The following DNAAF1 variants were observed in gnomAD, a reference collection of about 807,000 sequenced individuals.
The protein encoded by DNAAF1 is dynein assembly factor 1, axonemal.
DNAAF1 carries 65 observed loss-of-function variants against 71.1 expected under a neutral mutation model. The observed-to-expected ratio is 0.91, with a 90% CI of 0.75 to 1.12. DNAAF1 has a LOEUF of 1.12. Ranked by LOEUF, DNAAF1 falls within the 50% of genes most tolerant of loss-of-function variation. DNAAF1 has a pLI of 0.00. For missense variants in DNAAF1, 1,178 were observed against 899.8 expected, an observed-to-expected ratio of 1.31 and a Z score of -3.96; for synonymous variants, 414 against 354.6, an observed-to-expected ratio of 1.17 and a Z score of -1.88.
chr16:84,169,967 A>C lies in DNAAF1; in HGVS notation c.1139A>C (p.Lys380Thr). The C allele has an allele frequency of 1.2e-6, 2 of 1,614,124 alleles. No homozygotes were observed. The highest frequency in any genetic ancestry group is 1.7e-6 in the Non-Finnish European group (2 of 1,180,052). The change falls in exon 8 of 12, where the codon AAG becomes ACG. Residue 380 changes from lysine (K) to threonine (T), a missense_variant. By Grantham distance (78) the Lys-to-Thr change is moderately conservative (BLOSUM62 -1). Transcript: ENST00000378553. ...ETRQKMELFV[K>T]ESFEAKDELC... ...AGGCAGAAGATGGAGCTATTTGTTA[A>C]GGAAAGCTTTGAGGCCAAGGACGAG...
In DNAAF1 at chr16:84,170,913, C is replaced by T. The variant is rs368774832; in HGVS notation, c.1528+557C>T. On this transcript the variant is annotated intron_variant, in intron 8 of 11. Coordinates refer to ENST00000378553, the MANE Select transcript of DNAAF1 (RefSeq NM_178452.6). ...ACTATTAATGACATGTTTAATTTAACGCAATATATAAAAAATATAATCATG... is the reference window on the plus strand; with the variant it reads ...ACTATTAATGACATGTTTAATTTAATGCAATATATAAAAAATATAATCATG... 4.5e-4 allele frequency among the ~76,000 whole-genome samples: 69 copies of T among 151,932 alleles called. 1 individual carries two copies. In the East Asian group the frequency reaches 8.3e-3, roughly 18 times the overall value.
At chr16:84,167,182 G>C (rs367715216) in intron 7 of DNAAF1, among the ~76,000 whole-genome samples, 2 of 152,082 alleles carry the variant, frequency 1.3e-5, no homozygotes, top group Non-Finnish European at 2.9e-5. Context: ...TATATTTTCT[G>C]GGTTATTATA....
rs2088234356 is a variant in DNAAF1 at position 84,169,928 on chromosome 16, G to A, written c.1100G>A (p.Gly367Glu). 6.2e-7 allele frequency: 1 copy of A among 1,614,026 alleles called. No homozygotes were observed. The highest frequency in any genetic ancestry group is 1.7e-5 in the Admixed American group (1 of 60,008). Residue 367 changes from glycine (G) to glutamate (E), a missense_variant, in exon 8 of 12, where the codon GGG (glycine) becomes GAG (glutamate). Gly to Glu is a moderately conservative substitution (Grantham distance 98). Transcript: ENST00000378553. The part of the protein sequence containing the change: ...ASAEGKEEPP[G>E]DRETRQKMEL... ...GCGGAAGGCAAGGAGGAGCCTCCCG[G>A]GGACAGAGAAACAAGGCAGAAGATG...
intron 6 of DNAAF1, among the ~76,000 whole-genome samples, chr16:84,160,664 G>A (rs1335721645): frequency 6.6e-6 from 1 of 152,180 alleles, no homozygotes; most frequent in Admixed American, 6.5e-5. Context: ...GCCGGGCGTG[G>A]TGGCTCATGT....
chr16:84,170,205 T>C lies in DNAAF1; in HGVS notation c.1377T>C (p.Asp459=), dbSNP rs761136963. Residue 459 remains aspartate (D), a synonymous_variant, in exon 8 of 12, where the codon GAT becomes GAC. Coordinates refer to ENST00000378553, the MANE Select transcript of DNAAF1 (RefSeq NM_178452.6). ...PPPPVEVKGE[D]GDQEPEGTLP... is the part of the protein sequence containing the mutation. ...CACCTGTGGAGGTTAAAGGAGAGGA[T>C]GGAGATCAAGAGCCAGAGGGGACCC... The C allele has an allele frequency of 1.2e-6, 2 of 1,611,240 alleles. No homozygotes were observed. The highest frequency in any genetic ancestry group is 8.5e-7 in the Non-Finnish European group (1 of 1,178,546).
chr16:84,162,256 AAT>A (rs1236148538), intron 6 of DNAAF1: 1 of 152,122 alleles, frequency 6.6e-6, no homozygotes, highest in Non-Finnish European at 1.5e-5. Flanking sequence ...TTGTTTTTCA[AAT>A]AACAACTTTG....
intron 6 of DNAAF1, among the ~76,000 whole-genome samples, chr16:84,161,915 C>T (rs553397841): frequency 6.6e-6 from 1 of 152,252 alleles, no homozygotes; most frequent in East Asian, 1.9e-4. Flanking sequence ...ACTAAAAGGG[C>T]TCCTCTAACA....
At chr16:84,165,372 G>GTC (rs926070654) in intron 6 of DNAAF1, among the ~76,000 whole-genome samples, 1 of 152,090 alleles carries the variant, frequency 6.6e-6, no homozygotes, top group Middle Eastern at 3.4e-3. Context: ...TTTCAGTAGA[G>GTC]ACAGGGTTTT....
At chr16:84,177,288 TTTTG>T (rs1248881911) in intron 11 of DNAAF1, 9 of 257,696 alleles carry the variant, frequency 3.5e-5, no homozygotes, top group Non-Finnish European at 6.9e-5. Context: ...TTTTTGTTTG[TTTTG>T]TTTGAGACAG....
At position 84,147,202 on chromosome 16, in the gene DNAAF1, A is replaced by G. The variant is rs150976590; in HGVS notation, c.124+1638A>G. Among the ~76,000 whole-genome samples the G allele has an allele frequency of 2.5e-3, 380 of 152,322 alleles. 2 individuals are homozygous for G. Among genetic ancestry groups the G allele is most frequent in the African/African-American group, 8.9e-3 (372 of 41,576 alleles). The stretch of plus-strand genomic sequence containing the variant: ...AATGGTAGCTCTTGTTATTAATTAC[A>G]TATTAATATTTATATATTGAGCGCT... On this transcript the variant is annotated intron_variant, in intron 1 of 11. Transcript: ENST00000378553.
chr16:84,166,008 G>A (rs753601469), intron 7 of DNAAF1, 59 bp downstream of exon 7: 3 of 1,552,764 alleles, frequency 1.9e-6, no homozygotes, highest in Admixed American at 1.7e-5. Context: ...GCAAGTCTAA[G>A]CTCTCAAACC....
intron 1 of DNAAF1, among the ~76,000 whole-genome samples, chr16:84,146,395 A>G (rs1401565217): frequency 6.6e-6 from 1 of 152,016 alleles, no homozygotes; most frequent in East Asian, 1.9e-4. Flanking sequence ...TGATCCCCTC[A>G]CCAAAGTTTG....
Position 84,176,191 on chromosome 16 carries a change from G to A in DNAAF1, c.1957G>A (p.Glu653Lys), listed in dbSNP as rs201034372. ...ACCCCTGATCCAGGAGCTCAGCGAC[G>A]AGGACCCCTCTGGCCAGCTACTGAT... The part of the protein sequence containing the change: ...PRPLIQELSD[E>K]DPSGQLLMPP... Residue 653 changes from glutamate to lysine, a missense_variant, in exon 11 of 12, where the codon GAG becomes AAG. Physicochemically the swap from Glu to Lys is moderately conservative, Grantham distance 56 (BLOSUM62 1). Coordinates refer to ENST00000378553, the MANE Select transcript of DNAAF1 (RefSeq NM_178452.6). 4.3e-5 allele frequency: 69 copies of A among 1,613,952 alleles called. No individual in the cohort carries two copies. The highest frequency in any genetic ancestry group is 4.2e-4 in the East Asian group (19 of 44,880).
At chr16:84,173,500 A>C (rs2088488717) in intron 9 of DNAAF1, 11 of 984,092 alleles carry the variant, frequency 1.1e-5, no homozygotes, top group Non-Finnish European at 1.3e-5. Context: ...TCACGGTCAG[A>C]ATTCACAGTG....
intron 7 of DNAAF1, among the ~76,000 whole-genome samples, chr16:84,167,239 T>C (rs1300332256): frequency 6.6e-6 from 1 of 152,138 alleles, no homozygotes; most frequent in Non-Finnish European, 1.5e-5. Flanking sequence ...CAAGATGAAG[T>C]GGAGCTTAGG....
In DNAAF1 at chr16:84,176,073, C is replaced by G; in HGVS notation, c.1839C>G (p.Thr613=). ...ATATATTTGCAGTCTCTAAAGACACCTCAAAGGCGGCTCGGGTGCCCTTCA... is the reference window on the plus strand; with the variant it reads ...ATATATTTGCAGTCTCTAAAGACACGTCAAAGGCGGCTCGGGTGCCCTTCA... ...LSNIFAVSKD[T]SKAARVPFTD... is the part of the protein sequence containing the mutation. Residue 613 remains threonine, a synonymous_variant, in exon 11 of 12, where the codon ACC becomes ACG. Transcript: ENST00000378553. 1 of 1,614,104 alleles carries G rather than the reference C, an allele frequency of 6.2e-7. No individual in the cohort carries two copies. The highest frequency in any genetic ancestry group is 1.3e-5 in the African/African-American group (1 of 75,026).
intron 3 of DNAAF1, among the ~76,000 whole-genome samples, chr16:84,150,803 G>A (rs559908040): frequency 2.6e-5 from 4 of 151,934 alleles, no homozygotes; most frequent in South Asian, 2.1e-4. Context: ...TAGTAAAGGC[G>A]GGGTTTCGCC....
In DNAAF1 at chr16:84,154,833, C is replaced by T. The variant is rs770872408; in HGVS notation, c.574+35C>T. On this transcript the variant is annotated intron_variant, in intron 4 of 11. Coordinates refer to ENST00000378553, the MANE Select transcript of DNAAF1 (RefSeq NM_178452.6). ...CCCAGCAAGCAGTGTGTCTGTTTGCCATATGTCCATCACCTTCCCCTGAGG... is the reference window on the plus strand; with the variant it reads ...CCCAGCAAGCAGTGTGTCTGTTTGCTATATGTCCATCACCTTCCCCTGAGG... 101 of 1,502,458 alleles carry T rather than the reference C, an allele frequency of 6.7e-5. No homozygotes were observed. The Admixed American group carries it at 8.0e-4, about 12-fold the overall frequency. The allele number at this position is 1,502,458 out of a possible 1,614,324, so 93.1% of individuals were successfully genotyped here. A position where few individuals can be genotyped will look rare whatever the true frequency, so the allele number is the denominator to read the frequency against.
intron 6 of DNAAF1, among the ~76,000 whole-genome samples, chr16:84,163,157 T>A (rs1455153134): frequency 6.6e-6 from 1 of 152,162 alleles, no homozygotes; most frequent in Non-Finnish European, 1.5e-5. Flanking sequence ...ATAATGAAGT[T>A]TTTGTGTGGA....
Sources: allele counts gnomAD v4.1 joint callset (sites outside exome capture counted in the v4.1 genomes callset), GRCh38; gene constraint gnomAD v4.1.1; transcripts MANE v1.5; gene names NCBI Gene and HGNC (gene_info 2026-07-23, HGNC 2026-07-21).